ENTPD1: variants seen among roughly 807,000 people sequenced by gnomAD.
ENTPD1 encodes the protein ATP diphosphohydrolase.
ENTPD1 carries 33 observed loss-of-function variants against 57.0 expected under a neutral mutation model. The ratio of observed to expected loss-of-function variants is 0.58; its 90% CI spans 0.44 to 0.77. ENTPD1 has a LOEUF of 0.77. ENTPD1 is among the 30% of genes least tolerant of loss of function. The pLI is 0.00. For missense variants in ENTPD1, 501 were observed against 603.4 expected (o/e 0.83, Z 1.78); for synonymous variants, 202 against 218.8 (o/e 0.92, Z 0.68).
At chr10:95,803,818 G>C (rs1044448428) in intron 1 of ENTPD1, among the ~76,000 whole-genome samples, 9 of 152,140 alleles carry the variant, frequency 5.9e-5, no homozygotes, top group African/African-American at 2.2e-4. Flanking sequence ...TTTTCTTCTA[G>C]GGTTTTTAAG....
chr10:95,770,519 TTC>T, intron 1 of ENTPD1, among the ~76,000 whole-genome samples: 1 of 152,282 alleles, frequency 6.6e-6, no homozygotes, highest in South Asian at 2.1e-4. Flanking sequence ...GGTGTGTAAC[TTC>T]CTGGTGCTGA....
At chr10:95,802,044 C>T (rs554368243) in intron 1 of ENTPD1, among the ~76,000 whole-genome samples, 1 of 152,142 alleles carries the variant, frequency 6.6e-6, no homozygotes, top group Non-Finnish European at 1.5e-5. Context: ...CATGGCCTGT[C>T]AGCCCTCGGG....
At chr10:95,825,080 A>G (rs781234074) in intron 2 of ENTPD1, among the ~76,000 whole-genome samples, 1 of 152,192 alleles carries the variant, frequency 6.6e-6, no homozygotes, top group Non-Finnish European at 1.5e-5. Context: ...GTCCAATTTG[A>G]TAGCCACTAG....
At chr10:95,845,882 G>A (rs2098434546) in intron 6 of ENTPD1, 1 of 456,816 alleles carries the variant, frequency 2.2e-6, no homozygotes, top group Non-Finnish European at 4.0e-6. Flanking sequence ...AAAATTATGT[G>A]GTAGAATATT....
At chr10:95,720,132 A>C (rs914205043) in intron 1 of ENTPD1, among the ~76,000 whole-genome samples, 2 of 152,090 alleles carry the variant, frequency 1.3e-5, no homozygotes, top group Non-Finnish European at 2.9e-5. Context: ...GTTTCTTAAC[A>C]ATCTTTTGGA....
chr10:95,844,545 T>C lies in ENTPD1; in HGVS notation c.483T>C (p.Phe161=), dbSNP rs2140852616. The change falls in exon 5 of 10, where the codon TTT becomes TTC. Residue 161 remains phenylalanine, a synonymous_variant. Coordinates refer to ENST00000371205, the MANE Select transcript of ENTPD1 (RefSeq NM_001776.6). ...VVERSLSNYP[F]DFQGARIITG... is the part of the protein sequence containing the mutation. ...AGAGGAGCCTCAGCAACTACCCCTT[T>C]GACTTCCAGGGTGCCAGGATCATTA... is the stretch of plus-strand genomic sequence containing the variant. The C allele has an allele frequency of 6.2e-7, 1 of 1,614,222 alleles. No homozygotes were observed. The highest frequency in any genetic ancestry group is 8.5e-7 in the Non-Finnish European group (1 of 1,180,036).
intron 7 of ENTPD1, among the ~76,000 whole-genome samples, chr10:95,850,923 T>C (rs958629465): frequency 1.3e-5 from 2 of 152,242 alleles, no homozygotes; most frequent in Non-Finnish European, 1.5e-5. Context: ...CACAGTTGCA[T>C]TCAGCACTGA....
In ENTPD1 at chr10:95,873,737, A is replaced by G. The variant is rs1389243611; in HGVS notation, c.*7354A>G. The G allele has an allele frequency of 5.1e-6, 5 of 973,150 alleles. No homozygotes were observed. Among genetic ancestry groups the G allele is most frequent in the Non-Finnish European group, 6.1e-6 (5 of 818,900 alleles). 60.3% of individuals were successfully genotyped at this position (973,150 alleles called of 1,614,324 possible). On this transcript the variant is annotated 3_prime_UTR_variant, in exon 10 of 10. Transcript: ENST00000371205. ...GTTTCCATGCTGCTGATAAAGACAT[A>G]TCTGAGACTGGAAACAAAAAGGGTT...
In ENTPD1 at chr10:95,870,429, T is replaced by G; in HGVS notation, c.*4046T>G. 1 of 674,490 alleles carries G rather than the reference T, an allele frequency of 1.5e-6. No individual in the cohort carries two copies. The highest frequency in any genetic ancestry group is 1.8e-6 in the Non-Finnish European group (1 of 546,372). 41.8% of individuals were successfully genotyped at this position (674,490 alleles called of 1,614,324 possible). A position where few individuals can be genotyped will look rare whatever the true frequency, so the allele number is the denominator to read the frequency against. ...ACCTAAGTAGCTAGGACTACAGGTG[T>G]GCACCACCATGTCTAGCTATTTTTT... On this transcript the variant is annotated 3_prime_UTR_variant, in exon 10 of 10. Coordinates refer to ENST00000371205, the MANE Select transcript of ENTPD1 (RefSeq NM_001776.6).
At chr10:95,862,249 T>C (rs1331885072) in intron 8 of ENTPD1, among the ~76,000 whole-genome samples, 5 of 152,142 alleles carry the variant, frequency 3.3e-5, no homozygotes, top group Admixed American at 2.6e-4. Flanking sequence ...GCCTACAGCA[T>C]TGAGGTGGAT....
At chr10:95,784,399 TCTAA>T (rs1252021210) in intron 1 of ENTPD1, among the ~76,000 whole-genome samples, 3 of 152,168 alleles carry the variant, frequency 2.0e-5, no homozygotes, top group Non-Finnish European at 2.9e-5. Context: ...GCAGCCACTC[TCTAA>T]CTGTTTGCCC....
At chr10:95,744,898 T>A (rs761046518) in intron 1 of ENTPD1, among the ~76,000 whole-genome samples, 24 of 152,036 alleles carry the variant, frequency 1.6e-4, no homozygotes, top group Non-Finnish European at 3.1e-4. Flanking sequence ...ATATCCCCTC[T>A]GCTTTACTTA....
intron 2 of ENTPD1, among the ~76,000 whole-genome samples, chr10:95,830,790 G>A (rs936913892): frequency 2.6e-5 from 4 of 152,080 alleles, no homozygotes; most frequent in Non-Finnish European, 4.4e-5. Flanking sequence ...GCAACAGAGC[G>A]AGACTCTGTC....
At chr10:95,704,020 G>A in the ENTPD1 span, among the ~76,000 whole-genome samples, 1 of 151,954 alleles carries the variant, frequency 6.6e-6, no homozygotes, top group Non-Finnish European at 1.5e-5. Flanking sequence ...GAACCCGGGA[G>A]GCAGAGATTG....
Position 95,873,274 on chromosome 10 carries a change from G to A in ENTPD1, c.*6891G>A. 2 of 985,408 alleles carry A rather than the reference G, an allele frequency of 2.0e-6. No homozygotes were observed. The highest frequency in any genetic ancestry group is 9.4e-5 in the South Asian group (2 of 21,292). The allele number at this position is 985,408 out of a possible 1,614,324, so 61.0% of individuals were successfully genotyped here. ...GACTACTGTCATTCACAGGCATTCTGTTCCACAGCAGGCCAGCTAACGTGG... is the reference window on the plus strand; with the variant it reads ...GACTACTGTCATTCACAGGCATTCTATTCCACAGCAGGCCAGCTAACGTGG... On this transcript the variant is annotated 3_prime_UTR_variant, in exon 10 of 10. Transcript: ENST00000371205.
the ENTPD1 span, among the ~76,000 whole-genome samples, chr10:95,701,185 G>A: frequency 6.6e-6 from 1 of 152,212 alleles, no homozygotes; most frequent in Admixed American, 6.5e-5. Context: ...GCCTAGTGCA[G>A]TGGCTTGTGC....
At chr10:95,848,803 G>A (rs1283484204) in intron 7 of ENTPD1, among the ~76,000 whole-genome samples, 1 of 152,166 alleles carries the variant, frequency 6.6e-6, no homozygotes, top group Non-Finnish European at 1.5e-5. Flanking sequence ...AAAGAGAAAT[G>A]GATTAATATA....
rs187713408 is a variant in ENTPD1, at chr10:95,872,633, T to C, written c.*6250T>C. The C allele has an allele frequency of 1.1e-5, 11 of 985,122 alleles. No homozygotes were observed. In the East Asian group the frequency reaches 1.0e-3, roughly 91 times the overall value. The allele number at this position is 985,122 out of a possible 1,614,324, so 61.0% of individuals were successfully genotyped here. On this transcript the variant is annotated 3_prime_UTR_variant, in exon 10 of 10. Transcript: ENST00000371205. ...GGGTGAAGCTTCCTGGTGAAAAATA[T>C]GTTACCTATTTCTTTCTGAAAAGTT...
rs1483814966 is a variant in ENTPD1 at position 95,875,843 on chromosome 10, T to C, written c.*9460T>C. On this transcript the variant is annotated 3_prime_UTR_variant, in exon 10 of 10. Coordinates refer to ENST00000371205, the MANE Select transcript of ENTPD1 (RefSeq NM_001776.6). ...CAGATCTCGTGAGACTTATTCACTA[T>C]CACAAGAATAGCATGGGAAAGACCA... The C allele has an allele frequency of 3.6e-6, 1 of 281,534 alleles. No individual in the cohort carries two copies. The highest frequency in any genetic ancestry group is 5.4e-6 in the Non-Finnish European group (1 of 186,538). 17.4% of individuals were successfully genotyped at this position (281,534 alleles called of 1,614,324 possible).
Sources: gnomAD v4.1 joint callset for allele counts (sites outside exome capture counted in the v4.1 genomes callset) on GRCh38, gnomAD v4.1.1 for gene constraint, MANE v1.5 for transcripts, NCBI Gene and HGNC (gene_info 2026-07-23, HGNC 2026-07-21) for gene names.